The following RBPMS variants were observed in gnomAD, a reference collection of about 807,000 sequenced individuals.
RBPMS encodes the protein RNA-binding protein with multiple splicing.
A neutral mutation model predicts 26.8 loss-of-function variants in RBPMS; 7 were observed. That is an observed-to-expected ratio of 0.26 (90% CI 0.15 to 0.49). The LOEUF (loss-of-function observed/expected upper bound fraction) is 0.49. Ranked by LOEUF, RBPMS falls within the 20% of genes least tolerant of loss-of-function variation. The pLI is 0.98. For missense variants in RBPMS, 186 were observed against 250.0 expected (o/e 0.74, Z 1.73); for synonymous variants, 96 against 93.3 (o/e 1.03, Z -0.17).
intron 5 of RBPMS, among the ~76,000 whole-genome samples, chr8:30,538,258 A>G (rs115550524): frequency 9.6e-4 from 146 of 151,856 alleles, no homozygotes; most frequent in African/African-American, 3.4e-3. Flanking sequence ...TATTCACCCA[A>G]TCTTTTTTTT....
At chr8:30,469,668 A>T (rs1816874669) in intron 1 of RBPMS, among the ~76,000 whole-genome samples, 1 of 152,242 alleles carries the variant, frequency 6.6e-6, no homozygotes, top group African/African-American at 2.4e-5. Context: ...ACATCTGCGG[A>T]TGCTAAAGGC....
intron 1 of RBPMS, among the ~76,000 whole-genome samples, chr8:30,441,998 C>T (rs1251948871): frequency 1.3e-5 from 2 of 152,052 alleles, no homozygotes; most frequent in African/African-American, 2.4e-5. Flanking sequence ...CCATGTTAGC[C>T]AGGATGGTCT....
chr8:30,474,374 A>C (rs764002299), intron 1 of RBPMS, among the ~76,000 whole-genome samples: 2 of 152,206 alleles, frequency 1.3e-5, no homozygotes, highest in Non-Finnish European at 2.9e-5. Flanking sequence ...TACTGTGCTC[A>C]TGTCATTTTT....
intron 1 of RBPMS, among the ~76,000 whole-genome samples, chr8:30,434,705 A>T (rs992433484): frequency 2.9e-5 from 3 of 102,590 alleles, no homozygotes; most frequent in African/African-American, 1.0e-4. Context: ...CTCTGCCTCG[A>T]AAAAAAAAAA....
chr8:30,439,292 A>G (rs749063818), intron 1 of RBPMS, among the ~76,000 whole-genome samples: 4 of 152,378 alleles, frequency 2.6e-5, no homozygotes, highest in Non-Finnish European at 5.9e-5. Context: ...AATCAAAGTC[A>G]AAAGGAAAGG....
intron 5 of RBPMS, among the ~76,000 whole-genome samples, chr8:30,509,426 G>A (rs939839011): frequency 6.6e-6 from 1 of 152,214 alleles, no homozygotes; most frequent in Non-Finnish European, 1.5e-5. Context: ...CTAACTGGAA[G>A]TGAGTTCTGT....
chr8:30,448,007 T>G (rs945197104), intron 1 of RBPMS, among the ~76,000 whole-genome samples: 4 of 152,222 alleles, frequency 2.6e-5, no homozygotes, highest in Admixed American at 2.0e-4. Flanking sequence ...AGTCCATCCT[T>G]TCAGTGTTCC....
At chr8:30,424,652 A>T (rs577937552) in intron 1 of RBPMS, among the ~76,000 whole-genome samples, 1 of 152,334 alleles carries the variant, frequency 6.6e-6, no homozygotes, top group South Asian at 2.1e-4. Flanking sequence ...AATAATGCCT[A>T]CTTCGTGGAG....
At chr8:30,520,337 T>C (rs1305026697) in intron 5 of RBPMS, among the ~76,000 whole-genome samples, 1 of 151,908 alleles carries the variant, frequency 6.6e-6, no homozygotes, top group Non-Finnish European at 1.5e-5. Context: ...TTGTGGGGGG[T>C]TGTTTGTTGC....
intron 6 of RBPMS, among the ~76,000 whole-genome samples, chr8:30,549,804 T>TCC (rs199583737): frequency 0.011 from 1,133 of 102,678 alleles, 22 homozygotes; most frequent in African/African-American, 0.027. Flanking sequence ...CTCCCCTCTC[T>TCC]CCTCTCTCTC....
intron 1 of RBPMS, among the ~76,000 whole-genome samples, chr8:30,466,588 C>CT (rs1031568017): frequency 2.7e-5 from 4 of 148,902 alleles, no homozygotes; most frequent in South Asian, 2.1e-4. Context: ...TTCTTTCTTT[C>CT]TTTTTTTTCT....
chr8:30,566,172 TCAGAA>T (rs1275625833), intron 7 of RBPMS, 80 bp from the exon 8 acceptor site: 4 of 771,736 alleles, frequency 5.2e-6, no homozygotes, highest in Non-Finnish European at 6.3e-6. Context: ...CTCTCTGCCC[TCAGAA>T]CAGGCCGGTC....
At position 30,492,734 on chromosome 8, in the gene RBPMS, T is replaced by C. The variant is rs376915988; in HGVS notation, c.247-11552T>C. On this transcript the variant is annotated intron_variant, in intron 4 of 8. Transcript: ENST00000397323. ...CCCTACTTTTTCACTGGATTCACTA[T>C]GTAACCAAAGGGGTGTGTATTTTCT... Among the ~76,000 whole-genome samples the C allele has an allele frequency of 6.8e-4, 104 of 152,364 alleles. 2 individuals are homozygous for C. In the South Asian group the frequency reaches 0.021, roughly 31 times the overall value.
At chr8:30,554,786 G>C (rs1043896753) in intron 6 of RBPMS, among the ~76,000 whole-genome samples, 2 of 152,170 alleles carry the variant, frequency 1.3e-5, no homozygotes, top group African/African-American at 2.4e-5. Context: ...CAACCAGAGA[G>C]TATTTGCTTT....
chr8:30,386,959 C>T (rs961081852), intron 1 of RBPMS: 1 of 151,972 alleles, frequency 6.6e-6, no homozygotes, highest in Non-Finnish European at 1.5e-5. Flanking sequence ...CTGCTTGACC[C>T]CTCTTAACAG....
At chr8:30,393,465 G>A (rs1418903908) in intron 1 of RBPMS, among the ~76,000 whole-genome samples, 3 of 151,948 alleles carry the variant, frequency 2.0e-5, no homozygotes, top group Admixed American at 6.6e-5. Context: ...AGGAAGAGTA[G>A]GATGAGCCTT....
At chr8:30,505,003 A>G (rs1391740060) in intron 5 of RBPMS, among the ~76,000 whole-genome samples, 5 of 152,230 alleles carry the variant, frequency 3.3e-5, no homozygotes, top group Admixed American at 2.0e-4. Context: ...TTCTTTTCCA[A>G]CTTAATTGGA....
chr8:30,519,458 CTTTTTTTTTTTTTTTTTT>C (rs36017963), intron 5 of RBPMS, among the ~76,000 whole-genome samples: 51 of 89,476 alleles, frequency 5.7e-4, no homozygotes, highest in South Asian at 1.8e-3. Context: ...GGATCTCTCT[CTTTTTTTTTTTTTTTTTT>C]TTTTTTTTTT....
At chr8:30,389,130 T>G (rs907192712) in intron 1 of RBPMS, among the ~76,000 whole-genome samples, 1 of 152,160 alleles carries the variant, frequency 6.6e-6, no homozygotes, top group Non-Finnish European at 1.5e-5. Context: ...TACAGAATGG[T>G]TTTATACAAT....
Sources: allele counts gnomAD v4.1 joint callset (sites outside exome capture counted in the v4.1 genomes callset), GRCh38; gene constraint gnomAD v4.1.1; transcripts MANE v1.5; gene names NCBI Gene and HGNC (gene_info 2026-07-23, HGNC 2026-07-21).